The following INO80D variants were observed in gnomAD, a reference collection of about 807,000 sequenced individuals.
INO80D encodes INO80 complex subunit D.
A neutral mutation model predicts 87.6 loss-of-function variants in INO80D; 21 were observed. The ratio of observed to expected loss-of-function variants is 0.24; its 90% CI spans 0.17 to 0.35. The LOEUF is 0.35. Ranked by LOEUF, INO80D falls within the 10% of genes least tolerant of loss-of-function variation. The pLI, the probability that INO80D is intolerant of heterozygous loss-of-function variation, is 1.00. For missense variants in INO80D, 982 were observed against 1,280.7 expected (o/e 0.77, Z 3.56); for synonymous variants, 440 against 491.0 (o/e 0.90, Z 1.37).
chr2:206,074,018 T>A (rs1236877935), intron 1 of INO80D, among the ~76,000 whole-genome samples: 1 of 152,054 alleles, frequency 6.6e-6, no homozygotes, highest in Non-Finnish European at 1.5e-5. Context: ...CAAACTCTAC[T>A]TTTTAATACA....
At chr2:206,044,659 T>C (rs1476014587) in intron 5 of INO80D, among the ~76,000 whole-genome samples, 1 of 152,148 alleles carries the variant, frequency 6.6e-6, no homozygotes, top group African/African-American at 2.4e-5. Context: ...AGTATTTTGA[T>C]AACTCTGCAA....
At chr2:206,069,913 C>A in intron 1 of INO80D, among the ~76,000 whole-genome samples, 1 of 152,294 alleles carries the variant, frequency 6.6e-6, no homozygotes, top group East Asian at 1.9e-4. Context: ...ACAACACAGT[C>A]TCCTCTCCTT....
chr2:206,042,210 G>A (rs773819531), intron 5 of INO80D, among the ~76,000 whole-genome samples: 3 of 152,184 alleles, frequency 2.0e-5, no homozygotes, highest in East Asian at 1.9e-4. Flanking sequence ...GTGTTTAGAG[G>A]GAAGTGTATA....
intron 4 of INO80D, among the ~76,000 whole-genome samples, chr2:206,047,823 T>G (rs2105867663): frequency 6.6e-6 from 1 of 151,908 alleles, no homozygotes; most frequent in East Asian, 1.9e-4. Context: ...GATGGTAATG[T>G]TCTACTACTA....
intron 6 of INO80D, among the ~76,000 whole-genome samples, chr2:206,026,415 G>A (rs557166000): frequency 2.6e-5 from 4 of 151,688 alleles, no homozygotes; most frequent in South Asian, 4.2e-4. Flanking sequence ...GCATGATGGC[G>A]GGCACCTGTA....
chr2:206,032,250 C>G (rs898802531), intron 5 of INO80D, among the ~76,000 whole-genome samples: 2 of 152,170 alleles, frequency 1.3e-5, no homozygotes, highest in Non-Finnish European at 2.9e-5. Context: ...AGAACCAAAG[C>G]CCCTCTCTTT....
At chr2:206,039,681 A>G (rs1418379906) in intron 5 of INO80D, among the ~76,000 whole-genome samples, 3 of 151,060 alleles carry the variant, frequency 2.0e-5, no homozygotes, top group African/African-American at 4.9e-5. Flanking sequence ...GTGGTGGCGC[A>G]TGCCTGTAAT....
intron 1 of INO80D, among the ~76,000 whole-genome samples, chr2:206,084,020 A>G (rs1018054654): frequency 2.0e-5 from 3 of 151,930 alleles, no homozygotes; most frequent in African/African-American, 7.3e-5. Context: ...AGCCACGGGA[A>G]ACATCCTGTC....
chr2:206,005,626 A>T, intron 10 of INO80D, 93 bp from the exon 11 acceptor site: 1 of 998,156 alleles, frequency 1.0e-6, no homozygotes, highest in South Asian at 1.7e-5. Context: ...ACAATATTCG[A>T]TTTAAAGAGT....
chr2:206,061,838 A>G (rs1689698596), intron 3 of INO80D, among the ~76,000 whole-genome samples: 1 of 152,240 alleles, frequency 6.6e-6, no homozygotes, highest in Admixed American at 6.5e-5. Context: ...AACATGGATG[A>G]AGGTTGTGTG....
intron 9 of INO80D, among the ~76,000 whole-genome samples, chr2:206,008,899 TA>T (rs1270480955): frequency 2.0e-5 from 3 of 152,262 alleles, no homozygotes; most frequent in African/African-American, 7.2e-5. Flanking sequence ...AATGCTTAGC[TA>T]AAACAAAAGC....
chr2:206,014,829 G>A (rs994859618), intron 8 of INO80D, among the ~76,000 whole-genome samples: 6 of 152,142 alleles, frequency 3.9e-5, no homozygotes, highest in African/African-American at 1.4e-4. Flanking sequence ...GAAAAATGTG[G>A]GAAAGTTTGG....
rs1178426168 is a variant in INO80D at position 205,998,405 on chromosome 2, C to T, written c.*5963G>A. 6 of 140,096 alleles carry T rather than the reference C, an allele frequency of 4.3e-5. No homozygotes were observed. The East Asian group carries it at 8.1e-4, about 19-fold the overall frequency. 8.7% of individuals were successfully genotyped at this position (140,096 alleles called of 1,614,324 possible). A position where few individuals can be genotyped will look rare whatever the true frequency, so the allele number is the denominator to read the frequency against. ...CAAAGGATAGCTATACACCTTGACA[C>T]GGCAGAGATCCAGTGTAAAAAGGTG... On this transcript the variant is annotated 3_prime_UTR_variant, in exon 11 of 11. Coordinates refer to ENST00000403263, the MANE Select transcript of INO80D (RefSeq NM_017759.5).
chr2:206,055,742 T>C (rs1224570851), intron 4 of INO80D, among the ~76,000 whole-genome samples: 2 of 152,254 alleles, frequency 1.3e-5, no homozygotes, highest in Admixed American at 6.5e-5. Context: ...AGCCAATTGC[T>C]GATCAGAAAT....
intron 1 of INO80D, among the ~76,000 whole-genome samples, chr2:206,080,846 T>C (rs926449237): frequency 3.9e-5 from 5 of 128,638 alleles, no homozygotes; most frequent in African/African-American, 1.5e-4. Flanking sequence ...AAGCTTGCAG[T>C]GAGCTGAGAT....
intron 7 of INO80D, among the ~76,000 whole-genome samples, chr2:206,018,774 T>C (rs930002325): frequency 3.3e-5 from 5 of 152,092 alleles, no homozygotes; most frequent in African/African-American, 1.2e-4. Flanking sequence ...TGGTGGTGCA[T>C]GCCTGTAGTC....
rs34453361 is a variant in INO80D at position 206,013,848 on chromosome 2, TAAA to T, written c.1542+3829_1542+3831del. Among the ~76,000 whole-genome samples the T allele has an allele frequency of 2.8e-3, 333 of 117,972 alleles. 2 individuals are homozygous for T. The highest frequency in any genetic ancestry group is 4.8e-3 in the Middle Eastern group (1 of 208). The allele number at this position is 117,972 out of a possible 152,430, so 77.4% of individuals were successfully genotyped here. ...AGCTATGACAAAGCCTGAGTAAGCT[TAAA>T]AAAAAAAAAAAAAAAAGCCTATATT... On this transcript the variant is annotated intron_variant, in intron 8 of 10. Coordinates refer to ENST00000403263, the MANE Select transcript of INO80D (RefSeq NM_017759.5).
chr2:206,034,195 T>C (rs1360055246), intron 5 of INO80D, among the ~76,000 whole-genome samples: 2 of 152,126 alleles, frequency 1.3e-5, no homozygotes, highest in South Asian at 2.1e-4. Context: ...ACCAATCCTT[T>C]TGACACTATT....
At chr2:206,023,206 A>C (rs768538286) in intron 6 of INO80D, among the ~76,000 whole-genome samples, 7 of 151,970 alleles carry the variant, frequency 4.6e-5, no homozygotes, top group Admixed American at 1.3e-4. Flanking sequence ...CATCTCAAAA[A>C]ACTAAAAAAT....
Sources: allele counts gnomAD v4.1 joint callset (sites outside exome capture counted in the v4.1 genomes callset), GRCh38; gene constraint gnomAD v4.1.1; transcripts MANE v1.5; gene names NCBI Gene and HGNC (gene_info 2026-07-23, HGNC 2026-07-21).